Variants in DLGAP2 observed in about 807,000 individuals in gnomAD.
The protein encoded by DLGAP2 is DLG associated protein 2.
DLGAP2 carries 26 observed loss-of-function variants against 100.3 expected under a neutral mutation model. That is an observed-to-expected ratio of 0.26 (90% CI 0.19 to 0.36). The LOEUF is 0.36. Ranked by LOEUF, DLGAP2 falls within the 10% of genes least tolerant of loss-of-function variation. DLGAP2 has a pLI of 1.00. For synonymous variants in DLGAP2, 886 were observed against 630.1 expected, an observed-to-expected ratio of 1.41 and a Z score of -6.08; for missense variants, 1,858 against 1,453.2, an observed-to-expected ratio of 1.28 and a Z score of -4.53.
At chr8:1,072,948 G>A (rs75359985) in intron 2 of DLGAP2, among the ~76,000 whole-genome samples, 3,440 of 152,264 alleles carry the variant, frequency 0.023, 137 homozygotes, top group African/African-American at 0.079. Flanking sequence ...TTTAATTAGG[G>A]AGTTCCTATG....
At chr8:1,617,520 G>A (rs1212147551) in intron 6 of DLGAP2, among the ~76,000 whole-genome samples, 1 of 152,190 alleles carries the variant, frequency 6.6e-6, no homozygotes, top group African/African-American at 2.4e-5. Context: ...CCACATGTAT[G>A]TCTTCGTTTG....
intron 2 of DLGAP2, among the ~76,000 whole-genome samples, chr8:920,287 G>T (rs545665038): frequency 2.0e-4 from 30 of 152,356 alleles, no homozygotes; most frequent in African/African-American, 7.0e-4. Flanking sequence ...AGGACAGCAG[G>T]TGTGTGGTAT....
chr8:934,295 G>A (rs1290177766), intron 2 of DLGAP2, among the ~76,000 whole-genome samples: 2 of 61,162 alleles, frequency 3.3e-5, no homozygotes, highest in East Asian at 4.9e-4. Flanking sequence ...ACACCTGGCC[G>A]TGGGCACGAG....
chr8:978,131 T>A (rs1325450799), intron 2 of DLGAP2, among the ~76,000 whole-genome samples: 10 of 127,246 alleles, frequency 7.9e-5, no homozygotes, highest in African/African-American at 2.9e-4. Flanking sequence ...TGGGTTCTGG[T>A]CTTTGGTGTT....
At position 1,548,853 on chromosome 8, in the gene DLGAP2, C is replaced by A; in HGVS notation, c.400C>A (p.Arg134Ser). The A allele has an allele frequency of 6.3e-7, 1 of 1,581,884 alleles. No homozygotes were observed. The highest frequency in any genetic ancestry group is 8.6e-7 in the Non-Finnish European group (1 of 1,168,206). Residue 134 changes from arginine to serine, a missense_variant, in exon 5 of 15, where the codon CGC (arginine) becomes AGC (serine). Arg to Ser is a moderately radical substitution (Grantham distance 110, BLOSUM62 -1). Transcript: ENST00000637795. ...PADSCPGGRH[R>S]CSPRSSVHSE... ...CGACAGCTGCCCCGGGGGGCGCCACCGCTGCTCGCCGCGCAGCTCGGTGCA... is the reference window on the plus strand; with the variant it reads ...CGACAGCTGCCCCGGGGGGCGCCACAGCTGCTCGCCGCGCAGCTCGGTGCA...
At chr8:900,215 C>T (rs569708785) in intron 1 of DLGAP2, among the ~76,000 whole-genome samples, 83 of 144,928 alleles carry the variant, frequency 5.7e-4, no homozygotes, top group African/African-American at 1.7e-3. Flanking sequence ...CGCTCCCGGG[C>T]GGACGGTGGG....
intron 2 of DLGAP2, among the ~76,000 whole-genome samples, chr8:924,288 A>G (rs1798770114): frequency 6.6e-6 from 1 of 152,220 alleles, no homozygotes; most frequent in African/African-American, 2.4e-5. Flanking sequence ...GAAGACAGTG[A>G]GGCCATCTCT....
chr8:766,134 T>C lies in DLGAP2; in HGVS notation c.18+28309T>C, dbSNP rs371745752. Among the ~76,000 whole-genome samples, 25 of 152,050 alleles carry C rather than the reference T, an allele frequency of 1.6e-4. No homozygotes were observed. In the East Asian group the frequency reaches 1.7e-3, roughly 11 times the overall value. ...GTGAGTCGAGATTGTGCCATTACAC[T>C]CCAGCCTGAGTGACAGAGCGAGACT... On this transcript the variant is annotated intron_variant, in intron 1 of 14. Transcript: ENST00000637795.
intron 2 of DLGAP2, among the ~76,000 whole-genome samples, chr8:959,667 T>C (rs1442190807): frequency 6.6e-6 from 1 of 152,164 alleles, no homozygotes; most frequent in African/African-American, 2.4e-5. Flanking sequence ...TCATGTGACA[T>C]TGTGAGAGTT....
intron 8 of DLGAP2, among the ~76,000 whole-genome samples, chr8:1,639,180 T>C (rs764182083): frequency 5.3e-5 from 8 of 152,086 alleles, no homozygotes; most frequent in Non-Finnish European, 8.8e-5. Context: ...TCCAGAGCCA[T>C]GGAGCCACCC....
intron 2 of DLGAP2, chr8:1,248,678 G>A (rs1360852523): frequency 5.5e-5 from 5 of 90,360 alleles, no homozygotes; most frequent in African/African-American, 1.1e-4. Context: ...TAATGGCTGA[G>A]TTCAGGGCGC....
rs557257591 is a variant in DLGAP2 at position 1,328,107 on chromosome 8, T to C, written c.106+69224T>C. On this transcript the variant is annotated intron_variant, in intron 3 of 14. Transcript: ENST00000637795. Reference sequence around the variant, plus strand: ...CAGGCTGGAGTGCAGTGGTGTGATCTCAGCTCACTGCATACTCCACCTCCC... The same window carrying C: ...CAGGCTGGAGTGCAGTGGTGTGATCCCAGCTCACTGCATACTCCACCTCCC... Among the ~76,000 whole-genome samples, 13 of 152,064 alleles carry C rather than the reference T, an allele frequency of 8.5e-5. No homozygotes were observed. In the South Asian group the frequency reaches 2.7e-3, roughly 32 times the overall value.
At chr8:1,241,745 G>GGA (rs1554509285) in intron 2 of DLGAP2, among the ~76,000 whole-genome samples, 1 of 150,882 alleles carries the variant, frequency 6.6e-6, no homozygotes, top group Non-Finnish European at 1.5e-5. Flanking sequence ...TGTAAGTGGT[G>GGA]AAAAAAAAAA....
rs144537583 is a variant in DLGAP2 at position 1,202,651 on chromosome 8, A to G, written c.74-56200A>G. ...AGGCTCTGGGGATGGGGGGCCAGGC[A>G]ATGCCTCCTTCACCTGTCCCAGTCA... is the stretch of plus-strand genomic sequence containing the variant. On this transcript the variant is annotated intron_variant, in intron 2 of 14. Transcript: ENST00000637795. Among the ~76,000 whole-genome samples, 1,118 of 152,266 alleles carry G rather than the reference A, an allele frequency of 7.3e-3. 13 individuals carry two copies. Among genetic ancestry groups the G allele is most frequent in the Non-Finnish European group, 0.011 (771 of 68,004 alleles).
chr8:1,666,572 C>T (rs1198736366), intron 8 of DLGAP2, among the ~76,000 whole-genome samples: 1 of 151,570 alleles, frequency 6.6e-6, no homozygotes, highest in Non-Finnish European at 1.5e-5. Context: ...CCCAGCTACT[C>T]GGGAGGCAGA....
chr8:900,434 A>G (rs1798230034), intron 1 of DLGAP2, among the ~76,000 whole-genome samples: 1 of 152,188 alleles, frequency 6.6e-6, no homozygotes, highest in African/African-American at 2.4e-5. Flanking sequence ...CGAGGCCCAC[A>G]TCCTCTCACT....
chr8:1,063,521 C>CTTTTTTT (rs34456280), intron 2 of DLGAP2, among the ~76,000 whole-genome samples: 1 of 111,390 alleles, frequency 9.0e-6, no homozygotes. Context: ...AGTATACTGG[C>CTTTTTTT]TTTTTTTTTT....
intron 2 of DLGAP2, among the ~76,000 whole-genome samples, chr8:1,230,521 C>G (rs1798514033): frequency 6.6e-6 from 1 of 152,126 alleles, no homozygotes; most frequent in Non-Finnish European, 1.5e-5. Context: ...TTCTAAAATT[C>G]ATGTAGAACC....
chr8:1,346,992 T>C (rs927800380), intron 3 of DLGAP2, among the ~76,000 whole-genome samples: 29 of 151,234 alleles, frequency 1.9e-4, no homozygotes, highest in East Asian at 7.9e-4. Flanking sequence ...ATTGCACTCA[T>C]GGTAGCTGTG....
Sources: allele counts gnomAD v4.1 joint callset (sites outside exome capture counted in the v4.1 genomes callset), GRCh38; gene constraint gnomAD v4.1.1; transcripts MANE v1.5; gene names NCBI Gene and HGNC (gene_info 2026-07-23, HGNC 2026-07-21).